Variants in CFAP46 observed in about 807,000 individuals in gnomAD.
CFAP46 encodes the protein cilia- and flagella-associated protein 46.
In CFAP46, 245 loss-of-function variants were observed where a neutral mutation model predicts 325.7. The ratio of observed to expected loss-of-function variants is 0.75; its 90% CI spans 0.68 to 0.84. The LOEUF (loss-of-function observed/expected upper bound fraction) is 0.84, where lower values mean the gene tolerates loss of function less well. Among genes scored for constraint, CFAP46 ranks in the 40% least tolerant of loss-of-function variants. The probability of loss-of-function intolerance (pLI) is 0.00; values close to 1 mark genes in which losing one functional copy is unlikely to be tolerated. For missense variants in CFAP46, 3,346 were observed against 3,543.0 expected, an observed-to-expected ratio of 0.94 and a Z score of 1.41; for synonymous variants, 1,523 against 1,495.9, an observed-to-expected ratio of 1.02 and a Z score of -0.42.
intron 25 of CFAP46, among the ~76,000 whole-genome samples, chr10:132,887,241 TTCTCTCTCCTCTCTCG>T (rs1849153606): frequency 1.1e-5 from 1 of 95,214 alleles, no homozygotes; most frequent in African/African-American, 6.8e-5. Flanking sequence ...CTCTCCCCTC[TTCTCTCTCCTCTCTCG>T]CTTCTCTCTC....
intron 50 of CFAP46, among the ~76,000 whole-genome samples, chr10:132,819,647 G>T (rs563916872): frequency 1.3e-5 from 2 of 152,194 alleles, no homozygotes; most frequent in South Asian, 4.1e-4. Flanking sequence ...CGGAAATGAC[G>T]GTCTCGTCAA....
chr10:132,922,053 C>A, intron 13 of CFAP46, 51 bp downstream of exon 13: 1 of 1,522,060 alleles, frequency 6.6e-7, no homozygotes. Context: ...AGCCTGGGAG[C>A]CATTCCAAGG....
At chr10:132,818,053 G>A (rs1847727497) in intron 50 of CFAP46, among the ~76,000 whole-genome samples, 2 of 152,174 alleles carry the variant, frequency 1.3e-5, no homozygotes, top group Admixed American at 6.5e-5. Context: ...GTCTGGAATC[G>A]CATCTGCAAA....
rs575415167 is a variant in CFAP46, at chr10:132,880,988, G to A, written c.3672C>T (p.Phe1224=). ...EWQKVEYLME[F]GQWLHHRHFP... ...AGTGTCTGTGATGGAGCCACTGGCC[G>A]AACTCCATGAGGTACTCCACCTTCT... The change falls in exon 28 of 58, where the codon TTC becomes TTT. Residue 1224 remains phenylalanine, a synonymous_variant. Transcript: ENST00000368586. 91 of 1,550,514 alleles carry A rather than the reference G, an allele frequency of 5.9e-5. No homozygotes were observed. Among genetic ancestry groups the A allele is most frequent in the South Asian group, 3.2e-4 (27 of 84,060 alleles).
intron 8 of CFAP46, among the ~76,000 whole-genome samples, chr10:132,930,326 A>C (rs1453367279): frequency 6.8e-5 from 7 of 103,586 alleles, no homozygotes; most frequent in African/African-American, 8.1e-5. Flanking sequence ...AGAGCATGGG[A>C]CTCCCCACAC....
intron 8 of CFAP46, among the ~76,000 whole-genome samples, chr10:132,931,073 T>G (rs1206579297): frequency 5.5e-5 from 1 of 18,162 alleles, no homozygotes; most frequent in Non-Finnish European, 1.0e-4. Flanking sequence ...CTCCCTCCTC[T>G]CCACACAGAG....
intron 9 of CFAP46, chr10:132,929,052 C>G (rs1038206676): frequency 1.9e-5 from 3 of 161,368 alleles, no homozygotes; most frequent in Non-Finnish European, 2.7e-5. Flanking sequence ...ATACGGTAGC[C>G]CCCCCTTCTC....
At position 132,872,074 on chromosome 10, in the gene CFAP46, T is replaced by C. The variant is rs142466944; in HGVS notation, c.4511+602A>G. On this transcript the variant is annotated intron_variant, in intron 32 of 57. Coordinates refer to ENST00000368586, the MANE Select transcript of CFAP46 (RefSeq NM_001200049.3). The stretch of plus-strand genomic sequence containing the variant: ...ACACACTTAATAGACTACAGAATAG[T>C]GTAAACCTAACTTTTATATACTCTG... Among the ~76,000 whole-genome samples the C allele has an allele frequency of 5.4e-4, 83 of 152,348 alleles. 1 individual carries two copies. In the Middle Eastern group the frequency reaches 0.01, roughly 19 times the overall value.
Position 132,913,101 on chromosome 10 carries a change from G to A in CFAP46, c.2278C>T (p.Leu760=), listed in dbSNP as rs1449293688. 6 of 1,550,408 alleles carry A rather than the reference G, an allele frequency of 3.9e-6. No individual in the cohort carries two copies. The highest frequency in any genetic ancestry group is 1.2e-5 in the South Asian group (1 of 84,070). ...HLILAGRQKE[L]VDALYHLLSI... ...AGGAGGTGGTACAGGGCGTCCACCA[G>A]CTCCTTCTGCCGCCCGGCCAGGATC... Residue 760 remains leucine (L), a synonymous_variant, in exon 18 of 58, where the codon CTG becomes TTG. Transcript: ENST00000368586.
intron 11 of CFAP46, 43 bp from the exon 12 acceptor site, chr10:132,922,751 CCT>C (rs1451556309): frequency 4.1e-6 from 6 of 1,471,622 alleles, no homozygotes; most frequent in South Asian, 3.7e-5. Context: ...CGGCGCTGCG[CCT>C]CTGTCAGGCT....
In CFAP46 at chr10:132,814,558, A is replaced by T; in HGVS notation, c.7285+19T>A. 6.4e-7 allele frequency: 1 copy of T among 1,554,992 alleles called. No homozygotes were observed. The highest frequency in any genetic ancestry group is 8.7e-7 in the Non-Finnish European group (1 of 1,149,818). ...GAGGCTGGCGTGTGCCTGAACAGGG[A>T]GCCCTGTGCAGCACCCACCTGGGCC... On this transcript the variant is annotated intron_variant, in intron 53 of 57. Transcript: ENST00000368586.
rs567795684 is a variant in CFAP46, at chr10:132,865,410, A to AAGGTCCGTACTCCCCCTC, written c.4890+614_4890+615insGAGGGGGAGTACGGACCT. On this transcript the variant is annotated intron_variant, in intron 35 of 57. Coordinates refer to ENST00000368586, the MANE Select transcript of CFAP46 (RefSeq NM_001200049.3). ...GAGGAGGGGCCGAGGTGAAGGGTCC[A>AAGGTCCGTACTCCCCCTC]AGGGCTGTCAGCTGGGCTTGGCTGC... 9.2e-3 allele frequency among the ~76,000 whole-genome samples: 1,404 copies of AAGGTCCGTACTCCCCCTC among 152,318 alleles called. 11 individuals carry two copies. The highest frequency in any genetic ancestry group is 0.043 in the South Asian group (208 of 4,826).
At chr10:132,837,366 C>T (rs531117540) in intron 44 of CFAP46, among the ~76,000 whole-genome samples, 1 of 152,286 alleles carries the variant, frequency 6.6e-6, no homozygotes, top group East Asian at 1.9e-4. Context: ...CTCACGCAGA[C>T]AGGCACGGAC....
intron 8 of CFAP46, among the ~76,000 whole-genome samples, chr10:132,933,060 G>A (rs961980284): frequency 7.9e-5 from 12 of 152,344 alleles, no homozygotes; most frequent in East Asian, 7.7e-4. Flanking sequence ...CAGTCTTACC[G>A]GGAACACAAT....
At chr10:132,837,216 A>G (rs1328044917) in intron 44 of CFAP46, 7 of 402,670 alleles carry the variant, frequency 1.7e-5, no homozygotes, top group African/African-American at 4.1e-5. Flanking sequence ...ACCCAAAATA[A>G]CAAATGGAAA....
intron 8 of CFAP46, among the ~76,000 whole-genome samples, chr10:132,930,441 G>A (rs961025694): frequency 7.1e-6 from 1 of 140,196 alleles, no homozygotes; most frequent in African/African-American, 2.8e-5. Context: ...ACAGAGCCTG[G>A]GACTTCCCCA....
intron 19 of CFAP46, among the ~76,000 whole-genome samples, chr10:132,910,533 A>G (rs1381892365): frequency 6.6e-6 from 1 of 152,242 alleles, no homozygotes; most frequent in African/African-American, 2.4e-5. Context: ...TGGCCGTGTG[A>G]CCAGGTGAGT....
rs1362605233 is a variant in CFAP46 at position 132,827,865 on chromosome 10, CCAT to C, written c.7117+5490_7117+5492del. On this transcript the variant is annotated intron_variant, in intron 50 of 57. Coordinates refer to ENST00000368586, the MANE Select transcript of CFAP46 (RefSeq NM_001200049.3). This position sits in a 1 kb window ranked among gnomAD's most constrained non-coding sequence, Gnocchi z 5.7. ...TTCCCAGGCTTTTGTAAAAATGAAA[CCAT>C]CCCTGTGCACTCCCTTGATCCAGCC... Among the ~76,000 whole-genome samples, 2 of 150,580 alleles carry C rather than the reference CCAT, an allele frequency of 1.3e-5. No homozygotes were observed. The highest frequency in any genetic ancestry group is 1.3e-4 in the Admixed American group (2 of 15,068).
chr10:132,819,096 AC>A (rs1485181269), intron 50 of CFAP46, among the ~76,000 whole-genome samples: 1 of 152,200 alleles, frequency 6.6e-6, no homozygotes, highest in Non-Finnish European at 1.5e-5. Context: ...ATTACAATGA[AC>A]TCATCATTAC....
Sources: allele counts gnomAD v4.1 joint callset (sites outside exome capture counted in the v4.1 genomes callset), GRCh38; gene constraint gnomAD v4.1.1; non-coding constraint Gnocchi (gnomAD v3.1); transcripts MANE v1.5; gene names NCBI Gene and HGNC (gene_info 2026-07-23, HGNC 2026-07-21).